The following CCBE1 variants were observed in gnomAD, a reference collection of about 807,000 sequenced individuals.
CCBE1 encodes the protein collagen and calcium-binding EGF domain-containing protein 1.
In CCBE1, 37 loss-of-function variants were observed where a neutral mutation model predicts 50.0. The observed-to-expected ratio is 0.74, with a 90% CI of 0.57 to 0.97. The LOEUF (loss-of-function observed/expected upper bound fraction) is 0.97. Among genes scored for constraint, CCBE1 ranks in the 50% least tolerant of loss-of-function variants. The pLI, the probability that CCBE1 is intolerant of heterozygous loss-of-function variation, is 0.00. For synonymous variants in CCBE1, 234 were observed against 203.7 expected, an observed-to-expected ratio of 1.15 and a Z score of -1.27; for missense variants, 538 against 523.8, an observed-to-expected ratio of 1.03 and a Z score of -0.26.
chr18:59,654,635 A>G (rs113995960), intron 2 of CCBE1, among the ~76,000 whole-genome samples: 3,887 of 151,792 alleles, frequency 0.026, 182 homozygotes, highest in African/African-American at 0.089. Context: ...AAACAAAACC[A>G]AACAAAATTA....
chr18:59,689,123 C>T (rs1341397523), intron 2 of CCBE1, among the ~76,000 whole-genome samples: 1 of 152,196 alleles, frequency 6.6e-6, no homozygotes. Flanking sequence ...CCTAGTTTGC[C>T]AATCCCTGCT....
intron 2 of CCBE1, among the ~76,000 whole-genome samples, chr18:59,694,765 G>A (rs1053732650): frequency 1.3e-5 from 2 of 152,202 alleles, no homozygotes; most frequent in African/African-American, 2.4e-5. Context: ...TAAGACCAAC[G>A]GAATACAGAG....
intron 10 of CCBE1, 40 bp from the exon 11 acceptor site, chr18:59,436,181 C>T: frequency 6.4e-7 from 1 of 1,565,312 alleles, no homozygotes; most frequent in Non-Finnish European, 8.8e-7. Flanking sequence ...ATACGACAGA[C>T]AGCAATGGCC....
chr18:59,615,838 A>G (rs538845241), intron 2 of CCBE1, among the ~76,000 whole-genome samples: 1 of 152,340 alleles, frequency 6.6e-6, no homozygotes, highest in Admixed American at 6.5e-5. Flanking sequence ...TAATATTTGC[A>G]GAAGAGAAGG....
chr18:59,438,194 A>G, intron 9 of CCBE1, 48 bp from the exon 10 acceptor site: 1 of 1,543,164 alleles, frequency 6.5e-7, no homozygotes, highest in African/African-American at 1.4e-5. Context: ...CATGGATATC[A>G]CAAGAATAGT....
chr18:59,544,375 A>T (rs1395063880), intron 2 of CCBE1, among the ~76,000 whole-genome samples: 3 of 152,230 alleles, frequency 2.0e-5, no homozygotes, highest in Non-Finnish European at 2.9e-5. Flanking sequence ...TTTAAAATTA[A>T]CCCTCACCAT....
At chr18:59,478,966 T>C (rs1472316880) in intron 3 of CCBE1, among the ~76,000 whole-genome samples, 1 of 152,182 alleles carries the variant, frequency 6.6e-6, no homozygotes, top group Non-Finnish European at 1.5e-5. Context: ...CTATGGCAGC[T>C]TTCTCAAAGG....
At chr18:59,487,757 T>C (rs1022273103) in intron 2 of CCBE1, among the ~76,000 whole-genome samples, 6 of 152,156 alleles carry the variant, frequency 3.9e-5, no homozygotes, top group Non-Finnish European at 7.3e-5. Context: ...TTACTGATGG[T>C]CAAGATCAAA....
chr18:59,535,795 T>C (rs1915224261), intron 2 of CCBE1, among the ~76,000 whole-genome samples: 1 of 152,224 alleles, frequency 6.6e-6, no homozygotes. Flanking sequence ...TATTTATTGC[T>C]AAGAAAAACG....
intron 2 of CCBE1, among the ~76,000 whole-genome samples, chr18:59,637,004 A>T (rs944679480): frequency 9.2e-5 from 14 of 152,216 alleles, no homozygotes; most frequent in African/African-American, 3.4e-4. Flanking sequence ...TCCCCTGGGT[A>T]AAATTCTACA....
At chr18:59,513,120 C>G (rs1303144326) in intron 2 of CCBE1, among the ~76,000 whole-genome samples, 1 of 152,096 alleles carries the variant, frequency 6.6e-6, no homozygotes, top group African/African-American at 2.4e-5. Flanking sequence ...CCAGCCCAGC[C>G]AACATGGCAA....
intron 2 of CCBE1, among the ~76,000 whole-genome samples, chr18:59,554,560 C>T (rs545501049): frequency 1.7e-4 from 26 of 152,300 alleles, no homozygotes; most frequent in African/African-American, 5.3e-4. Context: ...TGTCCCCATT[C>T]GCCTTTGAGT....
At chr18:59,625,154 G>T (rs1808578) in intron 2 of CCBE1, among the ~76,000 whole-genome samples, 1 of 152,138 alleles carries the variant, frequency 6.6e-6, no homozygotes, top group Non-Finnish European at 1.5e-5. Context: ...GCCATAGGCC[G>T]GGCGTGGTGG....
chr18:59,607,873 C>T lies in CCBE1; in HGVS notation c.212+88756G>A, dbSNP rs557752755. Among the ~76,000 whole-genome samples the T allele has an allele frequency of 2.5e-4, 38 of 152,322 alleles. 1 individual carries two copies. The highest frequency in any genetic ancestry group is 1.8e-3 in the Admixed American group (27 of 15,298). ...ACGGATCACCTGAGGTCAGGAGTCACGTGAGGTCAAGACCAGCCTGACTAA... is the reference window on the plus strand; with the variant it reads ...ACGGATCACCTGAGGTCAGGAGTCATGTGAGGTCAAGACCAGCCTGACTAA... On this transcript the variant is annotated intron_variant, in intron 2 of 10. Coordinates refer to ENST00000439986, the MANE Select transcript of CCBE1 (RefSeq NM_133459.4).
At chr18:59,645,625 A>G (rs2054045071) in intron 2 of CCBE1, among the ~76,000 whole-genome samples, 1 of 152,226 alleles carries the variant, frequency 6.6e-6, no homozygotes, top group African/African-American at 2.4e-5. Flanking sequence ...CAGAGACATC[A>G]TGAACTAGGA....
chr18:59,615,576 C>T (rs926866675), intron 2 of CCBE1, among the ~76,000 whole-genome samples: 2 of 151,872 alleles, frequency 1.3e-5, no homozygotes, highest in African/African-American at 2.4e-5. Flanking sequence ...CACTATACTA[C>T]AGTTAATTAT....
intron 2 of CCBE1, among the ~76,000 whole-genome samples, chr18:59,567,561 AT>A (rs2052848847): frequency 6.6e-6 from 1 of 152,192 alleles, no homozygotes; most frequent in Non-Finnish European, 1.5e-5. Flanking sequence ...CCTTGACTCC[AT>A]CTCAAGACCC....
At chr18:59,641,234 A>AT (rs1258444012) in intron 2 of CCBE1, among the ~76,000 whole-genome samples, 1 of 117,158 alleles carries the variant, frequency 8.5e-6, no homozygotes, top group Non-Finnish European at 1.7e-5. Context: ...ATTACAATGG[A>AT]TAAAAAAAAT....
At chr18:59,649,195 C>A (rs761176195) in intron 2 of CCBE1, among the ~76,000 whole-genome samples, 2 of 152,216 alleles carry the variant, frequency 1.3e-5, no homozygotes, top group Non-Finnish European at 2.9e-5. Context: ...ATCTTATAGA[C>A]AACAGCGGCC....
Sources: allele counts gnomAD v4.1 joint callset (sites outside exome capture counted in the v4.1 genomes callset), GRCh38; gene constraint gnomAD v4.1.1; transcripts MANE v1.5; gene names NCBI Gene and HGNC (gene_info 2026-07-23, HGNC 2026-07-21).